The following SLC6A13 variants were observed in gnomAD, a reference collection of about 807,000 sequenced individuals.
The protein encoded by SLC6A13 is sodium- and chloride-dependent GABA transporter 2.
In SLC6A13, 69 loss-of-function variants were observed where a neutral mutation model predicts 72.9. The ratio of observed to expected loss-of-function variants is 0.95; its 90% CI spans 0.78 to 1.16. SLC6A13 has a LOEUF of 1.16. Among genes scored for constraint, SLC6A13 ranks in the 50% most tolerant of loss-of-function variants. The probability of loss-of-function intolerance (pLI) is 0.00; values close to 1 mark genes in which losing one functional copy is unlikely to be tolerated. For synonymous variants in SLC6A13, 303 were observed against 303.0 expected (o/e 1.00, Z 0.00); for missense variants, 735 against 760.5 (o/e 0.97, Z 0.39).
At chr12:252,440 T>C (rs571075172) in intron 2 of SLC6A13, among the ~76,000 whole-genome samples, 4 of 152,238 alleles carry the variant, frequency 2.6e-5, no homozygotes, top group Middle Eastern at 3.2e-3. Flanking sequence ...TTCATGCGTA[T>C]ATACATATGT....
intron 14 of SLC6A13, 143 bp downstream of exon 14, chr12:221,233 G>T: frequency 1.6e-6 from 2 of 1,271,722 alleles, no homozygotes; most frequent in Non-Finnish European, 1.1e-6. Flanking sequence ...CTTCTCAGCA[G>T]CCACTCTATC....
chr12:244,068 T>C (rs1181912053), intron 2 of SLC6A13, among the ~76,000 whole-genome samples: 1 of 152,246 alleles, frequency 6.6e-6, no homozygotes, highest in Non-Finnish European at 1.5e-5. Flanking sequence ...TGTTCCCCAC[T>C]GAACAATTAC....
At chr12:223,255 T>C in intron 11 of SLC6A13, 21 bp from the exon 12 acceptor site, 2 of 1,540,850 alleles carry the variant, frequency 1.3e-6, no homozygotes, top group Non-Finnish European at 1.8e-6. Context: ...GGAGATTATT[T>C]TAAAAAGAAG....
intron 2 of SLC6A13, among the ~76,000 whole-genome samples, chr12:250,030 T>C (rs753671498): frequency 6.6e-6 from 1 of 152,098 alleles, no homozygotes; most frequent in Non-Finnish European, 1.5e-5. Flanking sequence ...TGTTAACAAA[T>C]TACAAAAGAA....
At chr12:242,553 C>T in intron 4 of SLC6A13, 61 bp downstream of exon 4, 3 of 1,523,586 alleles carry the variant, frequency 2.0e-6, no homozygotes, top group Non-Finnish European at 1.8e-6. Flanking sequence ...AGTGACAAGC[C>T]CAATTCCGGT....
At chr12:238,107 G>A in intron 4 of SLC6A13, 97 bp from the exon 5 acceptor site, 1 of 1,566,122 alleles carries the variant, frequency 6.4e-7, no homozygotes, top group Non-Finnish European at 8.7e-7. Context: ...GAATGGGAAG[G>A]AAGGTATTTG....
chr12:225,599 G>A (rs190807685), intron 9 of SLC6A13, among the ~76,000 whole-genome samples: 6 of 151,610 alleles, frequency 4.0e-5, no homozygotes, highest in East Asian at 3.9e-4. Context: ...GCAGTGAGCC[G>A]AGATCATGTC....
At chr12:252,294 T>C (rs1274453695) in intron 2 of SLC6A13, among the ~76,000 whole-genome samples, 1 of 152,218 alleles carries the variant, frequency 6.6e-6, no homozygotes, top group Non-Finnish European at 1.5e-5. Context: ...ACTAGTTTAG[T>C]TTGCATTTAG....
At chr12:239,998 A>G (rs79429313) in intron 4 of SLC6A13, among the ~76,000 whole-genome samples, 1 of 152,198 alleles carries the variant, frequency 6.6e-6, no homozygotes, top group Non-Finnish European at 1.5e-5. Context: ...GGCAATCCAA[A>G]GGAAGGTGGG....
At chr12:258,855 G>A (rs955853760) in intron 2 of SLC6A13, 9 of 933,136 alleles carry the variant, frequency 9.6e-6, no homozygotes, top group South Asian at 9.9e-5. Flanking sequence ...TTTGTGCTGC[G>A]AAATTTTTAA....
At position 221,457 on chromosome 12, in the gene SLC6A13, C is replaced by T; in HGVS notation, c.1605G>A (p.Trp535Ter). 1 of 1,613,976 alleles carries T rather than the reference C, an allele frequency of 6.2e-7. No individual in the cohort carries two copies. Among genetic ancestry groups the T allele is most frequent in the Non-Finnish European group, 8.5e-7 (1 of 1,179,910 alleles). Residue 535 changes from tryptophan to a stop codon, truncating the protein, a stop_gained, in exon 14 of 15, where the codon TGG becomes TGA. Coordinates refer to ENST00000343164, the MANE Select transcript of SLC6A13 (RefSeq NM_016615.5). LOFTEE classifies it high-confidence loss of function. ...TYPWWGDALG[W>*]LLALSSMVCI... ...AGACCATGGAGGACAGAGCCAGGAG[C>T]CAGCCCAGGGCATCGCCCCACCACG...
At chr12:243,151 C>T (rs370077783) in intron 3 of SLC6A13, among the ~76,000 whole-genome samples, 4 of 151,858 alleles carry the variant, frequency 2.6e-5, no homozygotes, top group South Asian at 4.2e-4. Flanking sequence ...CTAGGATTAC[C>T]GGTGCCCACC....
intron 7 of SLC6A13, 91 bp from the exon 8 acceptor site, chr12:227,759 A>T: frequency 9.0e-7 from 1 of 1,115,950 alleles, no homozygotes; most frequent in Non-Finnish European, 1.3e-6. Context: ...TGAGCCAGAC[A>T]CTGGCTAGGG....
At position 220,660 on chromosome 12, in the gene SLC6A13, A is replaced by G. The variant is rs193181125; in HGVS notation, c.*288T>C. ...TGTGGATTTAATGGAATGAAGGATGAGAGGGCCCGAAGCCAGCAAGTCTCG... is the reference window on the plus strand; with the variant it reads ...TGTGGATTTAATGGAATGAAGGATGGGAGGGCCCGAAGCCAGCAAGTCTCG... On this transcript the variant is annotated 3_prime_UTR_variant, in exon 15 of 15. Transcript: ENST00000343164. The G allele has an allele frequency of 4.7e-4, 185 of 391,784 alleles. No individual in the cohort carries two copies. The highest frequency in any genetic ancestry group is 3.7e-3 in the African/African-American group (172 of 47,058). 24.3% of individuals were successfully genotyped at this position (391,784 alleles called of 1,614,324 possible).
chr12:231,027 A>T (rs1941687155), intron 7 of SLC6A13, among the ~76,000 whole-genome samples: 1 of 152,170 alleles, frequency 6.6e-6, no homozygotes, highest in Non-Finnish European at 1.5e-5. Flanking sequence ...TAACGCAGGG[A>T]TCTAAAAGCT....
chr12:237,328 G>A (rs1565497641), intron 5 of SLC6A13, 38 bp from the exon 6 acceptor site: 2 of 1,609,878 alleles, frequency 1.2e-6, no homozygotes, highest in Non-Finnish European at 1.7e-6. Context: ...TACTTTTTCT[G>A]CCAGCCTCAG....
intron 7 of SLC6A13, among the ~76,000 whole-genome samples, chr12:229,860 G>A (rs2137266941): frequency 6.6e-6 from 1 of 152,308 alleles, no homozygotes; most frequent in Admixed American, 6.5e-5. Flanking sequence ...GAGAAATCGT[G>A]ACTTGGCCAT....
intron 2 of SLC6A13, among the ~76,000 whole-genome samples, chr12:255,604 G>A (rs186805551): frequency 3.9e-5 from 6 of 152,342 alleles, no homozygotes; most frequent in Non-Finnish European, 5.9e-5. Flanking sequence ...GCTGAGGCGG[G>A]AGAATCACTT....
intron 4 of SLC6A13, chr12:238,211 T>C (rs767998322): frequency 1.3e-6 from 2 of 1,526,290 alleles, no homozygotes; most frequent in Admixed American, 2.0e-5. Flanking sequence ...CACTTGGACA[T>C]GTGGGTACAT....
Sources: allele counts gnomAD v4.1 joint callset (sites outside exome capture counted in the v4.1 genomes callset), GRCh38; gene constraint gnomAD v4.1.1; transcripts MANE v1.5; gene names NCBI Gene and HGNC (gene_info 2026-07-23, HGNC 2026-07-21).